The following FRMD4B variants were observed in gnomAD, a reference collection of about 807,000 sequenced individuals.
The protein encoded by FRMD4B is FERM domain containing 4B.
FRMD4B carries 74 observed loss-of-function variants against 141.5 expected under a neutral mutation model. The observed-to-expected ratio is 0.52, with a 90% confidence interval of 0.43 to 0.63. The LOEUF (loss-of-function observed/expected upper bound fraction) is 0.63, where lower values mean the gene tolerates loss of function less well. Among genes scored for constraint, FRMD4B ranks in the 30% least tolerant of loss-of-function variants. FRMD4B has a pLI of 0.00. For missense variants in FRMD4B, 1,366 were observed against 1,253.4 expected (o/e 1.09, Z -1.36); for synonymous variants, 506 against 467.9 (o/e 1.08, Z -1.05).
intron 1 of FRMD4B, among the ~76,000 whole-genome samples, chr3:69,363,442 T>C (rs972759365): frequency 6.9e-6 from 1 of 145,922 alleles, no homozygotes; most frequent in Non-Finnish European, 1.5e-5. Context: ...CAGGCTGGGG[T>C]GCAGTGGCAC....
intron 2 of FRMD4B, among the ~76,000 whole-genome samples, chr3:69,423,561 T>G (rs1184541851): frequency 6.6e-6 from 1 of 152,194 alleles, no homozygotes; most frequent in Non-Finnish European, 1.5e-5. Flanking sequence ...AACTGCTAAA[T>G]TAGCTGTGGT....
chr3:69,201,331 T>C (rs2092965324), intron 11 of FRMD4B, among the ~76,000 whole-genome samples: 1 of 152,238 alleles, frequency 6.6e-6, no homozygotes, highest in African/African-American at 2.4e-5. Flanking sequence ...TTTTCTTTTA[T>C]TAATAAAAAT....
intron 1 of FRMD4B, among the ~76,000 whole-genome samples, chr3:69,354,841 G>C (rs1003649185): frequency 9.2e-5 from 14 of 152,184 alleles, no homozygotes; most frequent in African/African-American, 3.1e-4. Context: ...TTCAGTCAAT[G>C]CTAAGTTTGG....
intron 1 of FRMD4B, among the ~76,000 whole-genome samples, chr3:69,325,849 A>G (rs1171011030): frequency 2.6e-5 from 4 of 152,210 alleles, no homozygotes; most frequent in Non-Finnish European, 4.4e-5. Context: ...TGCCGTGAGT[A>G]CTATTATTAG....
intron 2 of FRMD4B, among the ~76,000 whole-genome samples, chr3:69,408,042 T>C (rs1704681617): frequency 6.6e-6 from 1 of 152,118 alleles, no homozygotes; most frequent in Non-Finnish European, 1.5e-5. Flanking sequence ...AACTCTGCTG[T>C]TGCAGTGGGA....
intron 1 of FRMD4B, among the ~76,000 whole-genome samples, chr3:69,452,170 G>C (rs566528734): frequency 1.4e-4 from 22 of 152,360 alleles, no homozygotes; most frequent in Admixed American, 3.3e-4. Context: ...CATGTGCAAA[G>C]CACTAGGGAT....
chr3:69,424,885 G>C (rs1166773462), intron 2 of FRMD4B, among the ~76,000 whole-genome samples: 1 of 152,188 alleles, frequency 6.6e-6, no homozygotes, highest in African/African-American at 2.4e-5. Flanking sequence ...AAGTTATATA[G>C]ATGTAATATA....
chr3:69,238,620 T>C (rs2093361870), intron 7 of FRMD4B, among the ~76,000 whole-genome samples: 1 of 152,076 alleles, frequency 6.6e-6, no homozygotes, highest in Non-Finnish European at 1.5e-5. Flanking sequence ...CTCATCTCTA[T>C]GGAAAATACA....
At chr3:69,385,250 CT>C (rs1364140262) in intron 1 of FRMD4B, among the ~76,000 whole-genome samples, 3 of 152,072 alleles carry the variant, frequency 2.0e-5, no homozygotes, top group Non-Finnish European at 4.4e-5. Context: ...CGGGCCACCC[CT>C]CCCTTCCCCA....
At position 69,193,695 on chromosome 3, in the gene FRMD4B, C is replaced by A; in HGVS notation, c.1667G>T (p.Arg556Leu). 1 of 1,613,352 alleles carries A rather than the reference C, an allele frequency of 6.2e-7. No homozygotes were observed. The highest frequency in any genetic ancestry group is 8.5e-7 in the Non-Finnish European group (1 of 1,179,564). Residue 556 changes from arginine (R) to leucine (L), a missense_variant, in exon 17 of 23, where the codon CGA (arginine) becomes CTA (leucine). Arg to Leu is a moderately radical substitution (Grantham distance 102, BLOSUM62 -2). Transcript: ENST00000398540. ...QEIENAINEYRIRCGKKPSQK... is the reference protein window; with the variant it reads ...QEIENAINEYLIRCGKKPSQK... ...GCTGGGTTTCTTTCCACACCTAATT[C>A]GGTATTCGTTTATTGCATTTTCAAT...
intron 1 of FRMD4B, among the ~76,000 whole-genome samples, chr3:69,484,886 A>T (rs1216690793): frequency 1.3e-5 from 2 of 152,236 alleles, no homozygotes; most frequent in Non-Finnish European, 2.9e-5. Context: ...CAGGCCCAGG[A>T]AAAAGCACCA....
At chr3:69,383,873 C>T (rs769978239) in intron 1 of FRMD4B, among the ~76,000 whole-genome samples, 18 of 152,068 alleles carry the variant, frequency 1.2e-4, no homozygotes, top group Middle Eastern at 6.3e-3. Flanking sequence ...ATCTTTTCTT[C>T]GTGCTAGAAA....
chr3:69,512,599 C>T (rs1030683353), intron 1 of FRMD4B, among the ~76,000 whole-genome samples: 16 of 152,060 alleles, frequency 1.1e-4, no homozygotes, highest in African/African-American at 3.1e-4. Context: ...AACATGGCTT[C>T]CAACGTGGTT....
Position 69,282,231 on chromosome 3 carries a change from G to A in FRMD4B, c.501+5521C>T, listed in dbSNP as rs146486516. ...TTGCCTGTGTATTTCTGTTCTCAGT[G>A]GAAGGAAGGAAGTAGCTGTAGGCGA... On this transcript the variant is annotated intron_variant, in intron 5 of 22. Coordinates refer to ENST00000398540, the MANE Select transcript of FRMD4B (RefSeq NM_015123.3). Among the ~76,000 whole-genome samples, 1,309 of 152,268 alleles carry A rather than the reference G, an allele frequency of 8.6e-3. 29 individuals carry two copies. Among genetic ancestry groups the A allele is most frequent in the African/African-American group, 0.03 (1,255 of 41,550 alleles).
intron 1 of FRMD4B, 100 bp from the exon 2 acceptor site, chr3:69,313,617 T>C (rs1701684249): frequency 2.8e-6 from 2 of 715,138 alleles, no homozygotes; most frequent in Non-Finnish European, 4.8e-6. Context: ...GGGCTCAGCC[T>C]AAAAATGGCT....
intron 5 of FRMD4B, among the ~76,000 whole-genome samples, chr3:69,283,298 C>T (rs147287251): frequency 6.6e-6 from 1 of 151,992 alleles, no homozygotes; most frequent in African/African-American, 2.4e-5. Context: ...GGCAGAGAAT[C>T]GCTTGAGCCC....
At chr3:69,341,824 G>A (rs1408016575) in intron 1 of FRMD4B, among the ~76,000 whole-genome samples, 1 of 152,218 alleles carries the variant, frequency 6.6e-6, no homozygotes, top group Non-Finnish European at 1.5e-5. Flanking sequence ...GATATAGCAA[G>A]ATGGCCCTTA....
intron 1 of FRMD4B, chr3:69,542,181 G>A (rs1440611877): frequency 6.6e-6 from 1 of 152,088 alleles, no homozygotes; most frequent in Non-Finnish European, 1.5e-5. Flanking sequence ...CACGCTTGGG[G>A]AGCCCGGGGC....
chr3:69,444,204 C>T (rs1705380695), intron 1 of FRMD4B, among the ~76,000 whole-genome samples: 1 of 152,142 alleles, frequency 6.6e-6, no homozygotes, highest in South Asian at 2.1e-4. Flanking sequence ...AGTAACAGCC[C>T]CAATCCTTCT....
Sources: gnomAD v4.1 joint callset for allele counts (sites outside exome capture counted in the v4.1 genomes callset) on GRCh38, gnomAD v4.1.1 for gene constraint, MANE v1.5 for transcripts, NCBI Gene and HGNC (gene_info 2026-07-23, HGNC 2026-07-21) for gene names.